The following SLC6A2 variants were observed in gnomAD, a reference collection of about 807,000 sequenced individuals.
SLC6A2 encodes the protein sodium-dependent noradrenaline transporter.
In SLC6A2, 26 loss-of-function variants were observed where a neutral mutation model predicts 71.7. The observed-to-expected ratio is 0.36, with a 90% CI of 0.27 to 0.50. The LOEUF (loss-of-function observed/expected upper bound fraction) is 0.50. SLC6A2 is among the 20% of genes least tolerant of loss of function. SLC6A2 has a pLI of 0.96. For missense variants in SLC6A2, 581 were observed against 803.9 expected (o/e 0.72, Z 3.35); for synonymous variants, 363 against 337.9 (o/e 1.07, Z -0.82).
rs1023111639 is a variant in SLC6A2, at chr16:55,671,743, A to G, written c.407-195A>G. 32 of 1,213,818 alleles carry G rather than the reference A, an allele frequency of 2.6e-5. No homozygotes were observed. In the African/African-American group the frequency reaches 4.7e-4, roughly 18 times the overall value. 75.2% of individuals were successfully genotyped at this position (1,213,818 alleles called of 1,614,324 possible). A position where few individuals can be genotyped will look rare whatever the true frequency, so the allele number is the denominator to read the frequency against. On this transcript the variant is annotated intron_variant, in intron 3 of 14. Coordinates refer to ENST00000568943, the MANE Select transcript of SLC6A2 (RefSeq NM_001172501.3). ...GGTGGAACGGTTTCATCTTGAAACTACCCCCACCCCAAAATCTGTGGAAAA... is the reference window on the plus strand; with the variant it reads ...GGTGGAACGGTTTCATCTTGAAACTGCCCCCACCCCAAAATCTGTGGAAAA...
In SLC6A2 at chr16:55,673,371, A is replaced by G. The variant is rs1964983871; in HGVS notation, c.644+1196A>G. Among the ~76,000 whole-genome samples the G allele has an allele frequency of 2.0e-5, 3 of 152,244 alleles. No homozygotes were observed. The South Asian group carries it at 6.2e-4, about 32-fold the overall frequency. On this transcript the variant is annotated intron_variant, in intron 4 of 14. Transcript: ENST00000568943. ...AGACTGCCAGCCTCCTCCTGTGTAG[A>G]GAGAGTTATTTTCCTTTTTTAAGTA...
At chr16:55,665,573 AGGG>A (rs1964726551) in intron 2 of SLC6A2, among the ~76,000 whole-genome samples, 1 of 152,090 alleles carries the variant, frequency 6.6e-6, no homozygotes, top group African/African-American at 2.4e-5. Flanking sequence ...ACTAGGTGTC[AGGG>A]GAGCCTCTCT....
intron 2 of SLC6A2, among the ~76,000 whole-genome samples, chr16:55,659,123 G>C (rs1964541633): frequency 6.6e-6 from 1 of 152,124 alleles, no homozygotes; most frequent in Non-Finnish European, 1.5e-5. Flanking sequence ...CTTGGCGTGA[G>C]GCACAATGCT....
At chr16:55,667,035 T>C (rs927126941) in intron 2 of SLC6A2, among the ~76,000 whole-genome samples, 14 of 151,490 alleles carry the variant, frequency 9.2e-5, no homozygotes, top group African/African-American at 2.9e-4. Flanking sequence ...TGAGTCAGCA[T>C]CTCACTCTGT....
intron 5 of SLC6A2, among the ~76,000 whole-genome samples, chr16:55,690,438 A>T (rs1210581206): frequency 6.6e-6 from 1 of 152,166 alleles, no homozygotes; most frequent in Non-Finnish European, 1.5e-5. Context: ...CTGGCAAAGA[A>T]CTTTCGTGTT....
At chr16:55,700,413 C>T (rs1965938464) in intron 13 of SLC6A2, 107 bp downstream of exon 13, 1 of 998,168 alleles carries the variant, frequency 1.0e-6, no homozygotes, top group Non-Finnish European at 1.5e-6. Context: ...AGGACACAGA[C>T]ACTAGGGTCA....
At chr16:55,677,234 C>T (rs1965117615) in intron 4 of SLC6A2, among the ~76,000 whole-genome samples, 1 of 151,914 alleles carries the variant, frequency 6.6e-6, no homozygotes, top group Non-Finnish European at 1.5e-5. Context: ...GGGTTTTAGG[C>T]CTTTCTGTCT....
intron 4 of SLC6A2, among the ~76,000 whole-genome samples, chr16:55,679,583 C>A (rs1190190294): frequency 6.6e-6 from 1 of 152,188 alleles, no homozygotes. Flanking sequence ...TCTTCTTTTT[C>A]TCTCTCTCTT....
At chr16:55,675,064 A>C (rs1349393513) in intron 4 of SLC6A2, among the ~76,000 whole-genome samples, 2 of 152,130 alleles carry the variant, frequency 1.3e-5, no homozygotes, top group African/African-American at 4.8e-5. Flanking sequence ...GTGTGAGCTT[A>C]TAACCATCAT....
In SLC6A2 at chr16:55,697,923, G is replaced by A. The variant is rs5569; in HGVS notation, c.1287G>A (p.Thr429=). The A allele has an allele frequency of 0.32, 521,227 of 1,613,516 alleles. 88,215 individuals carry two copies. The highest frequency in any genetic ancestry group is 0.38 in the Admixed American group (22,914 of 60,004). ...TGGGAGGCATGGAGGCTGTCATCAC[G>A]GGCCTGGCAGATGACTTCCAGGTCC... ...SSMGGMEAVI[T]GLADDFQVLK... Residue 429 remains threonine, a synonymous_variant, in exon 10 of 15, where the codon ACG becomes ACA. Coordinates refer to ENST00000568943, the MANE Select transcript of SLC6A2 (RefSeq NM_001172501.3).
intron 7 of SLC6A2, among the ~76,000 whole-genome samples, chr16:55,694,367 A>G (rs1449736432): frequency 2.0e-4 from 31 of 152,084 alleles, no homozygotes; most frequent in African/African-American, 7.5e-4. Context: ...CCACTGAGAG[A>G]TGGGTAGTTA....
At chr16:55,658,519 C>CA (rs112026296) in intron 2 of SLC6A2, among the ~76,000 whole-genome samples, 9,252 of 144,878 alleles carry the variant, frequency 0.064, 350 homozygotes, top group African/African-American at 0.11. Context: ...GACTCTGTCT[C>CA]AAAAAAAAAA....
intron 2 of SLC6A2, among the ~76,000 whole-genome samples, chr16:55,661,775 G>T (rs1964617082): frequency 6.6e-6 from 1 of 152,134 alleles, no homozygotes; most frequent in Admixed American, 6.6e-5. Flanking sequence ...TCCTGCATGG[G>T]GTCCCATGAC....
chr16:55,697,603 T>G (rs1965838122), intron 9 of SLC6A2, among the ~76,000 whole-genome samples: 1 of 152,202 alleles, frequency 6.6e-6, no homozygotes, highest in Admixed American at 6.5e-5. Flanking sequence ...TCAGCTTATC[T>G]GTACCCACTC....
chr16:55,684,825 A>C (rs1424678803), intron 4 of SLC6A2, among the ~76,000 whole-genome samples: 1 of 152,224 alleles, frequency 6.6e-6, no homozygotes, highest in Non-Finnish European at 1.5e-5. Context: ...TGAGGACAGA[A>C]ACCTTCCCTA....
At position 55,705,704 on chromosome 16, in the gene SLC6A2, A is replaced by G. The variant is rs1260775578; in HGVS notation, c.*3358A>G. The G allele has an allele frequency of 6.4e-6, 1 of 155,366 alleles. No individual in the cohort carries two copies. Among genetic ancestry groups the G allele is most frequent in the Non-Finnish European group, 1.4e-5 (1 of 70,234 alleles). 9.6% of individuals were successfully genotyped at this position (155,366 alleles called of 1,614,324 possible). A position where few individuals can be genotyped will look rare whatever the true frequency, so the allele number is the denominator to read the frequency against. On this transcript the variant is annotated 3_prime_UTR_variant, in exon 15 of 15. Transcript: ENST00000568943. ...CTCCTGTTAAATTTACAATGAAGGA[A>G]ACACATCACTTAACTGTAAGAATTT...
rs905483772 is a variant in SLC6A2 at position 55,656,267 on chromosome 16, G to T, written c.-52+98G>T. The T allele has an allele frequency of 9.8e-6, 3 of 306,488 alleles. No individual in the cohort carries two copies. Among genetic ancestry groups the T allele is most frequent in the Non-Finnish European group, 1.9e-5 (3 of 159,218 alleles). The allele number at this position is 306,488 out of a possible 1,614,324, so 19.0% of individuals were successfully genotyped here. A position where few individuals can be genotyped will look rare whatever the true frequency, so the allele number is the denominator to read the frequency against. The stretch of plus-strand genomic sequence containing the variant: ...GCTAGCGAGTTTGTAGTGCAGTGAC[G>T]TTAAGTGTCCGAGAAGGCTCCTGTG... On this transcript the variant is annotated intron_variant, in intron 1 of 14. Coordinates refer to ENST00000568943, the MANE Select transcript of SLC6A2 (RefSeq NM_001172501.3). The surrounding 1 kb of genome is among the most constrained non-coding windows in gnomAD (Gnocchi z 4.5).
intron 14 of SLC6A2, 21 bp from the exon 15 acceptor site, chr16:55,702,302 C>G: frequency 6.2e-7 from 1 of 1,613,912 alleles, no homozygotes; most frequent in Non-Finnish European, 8.5e-7. Context: ...GTCATCAAGT[C>G]CTCGCTGTCT....
chr16:55,678,517 AG>A (rs532564074), intron 4 of SLC6A2, among the ~76,000 whole-genome samples: 2 of 152,288 alleles, frequency 1.3e-5, no homozygotes, highest in South Asian at 2.1e-4. Flanking sequence ...ATATCATTCA[AG>A]GGAACAAAAC....
Sources: gnomAD v4.1 joint callset for allele counts (sites outside exome capture counted in the v4.1 genomes callset) on GRCh38, gnomAD v4.1.1 for gene constraint, Gnocchi (gnomAD v3.1) non-coding constraint, MANE v1.5 for transcripts, NCBI Gene and HGNC (gene_info 2026-07-23, HGNC 2026-07-21) for gene names.